MACROD2: variants seen among roughly 807,000 people sequenced by gnomAD.
The protein encoded by MACROD2 is ADP-ribose glycohydrolase MACROD2.
MACROD2 carries 36 observed loss-of-function variants against 70.4 expected under a neutral mutation model. The observed-to-expected ratio is 0.51, with a 90% CI of 0.39 to 0.68. The LOEUF is 0.68. Ranked by LOEUF, MACROD2 falls within the 30% of genes least tolerant of loss-of-function variation. The pLI is 0.00. For synonymous variants in MACROD2, 172 were observed against 178.8 expected (o/e 0.96, Z 0.30); for missense variants, 496 against 538.4 (o/e 0.92, Z 0.78).
At chr20:15,820,677 T>C (rs2063929732) in intron 8 of MACROD2, among the ~76,000 whole-genome samples, 2 of 152,246 alleles carry the variant, frequency 1.3e-5, no homozygotes, top group African/African-American at 4.8e-5. Flanking sequence ...TGTTCACTGC[T>C]ATCTTTTCTC....
chr20:13,997,265 ATAAAG>A (rs755053988), intron 1 of MACROD2, among the ~76,000 whole-genome samples: 1 of 152,342 alleles, frequency 6.6e-6, no homozygotes, highest in Non-Finnish European at 1.5e-5. Flanking sequence ...AGCCTGATAG[ATAAAG>A]TAGTGTAAAA....
At chr20:14,565,563 T>C (rs1217334777) in intron 4 of MACROD2, among the ~76,000 whole-genome samples, 1 of 151,848 alleles carries the variant, frequency 6.6e-6, no homozygotes, top group East Asian at 1.9e-4. Context: ...TCCTCTAGAT[T>C]GTTGCATGTT....
intron 5 of MACROD2, among the ~76,000 whole-genome samples, chr20:14,704,339 TCCTACCGTGTAAATAG>T: frequency 6.6e-6 from 1 of 152,078 alleles, no homozygotes; most frequent in Non-Finnish European, 1.5e-5. Flanking sequence ...TGCGCCCTTT[TCCTACCGTGTAAATAG>T]CCCAGCTCAC....
intron 3 of MACROD2, among the ~76,000 whole-genome samples, chr20:14,281,792 G>A (rs913247461): frequency 7.3e-5 from 11 of 151,596 alleles, no homozygotes; most frequent in Non-Finnish European, 1.6e-4. Context: ...AAAATTAGCC[G>A]GGCGCGGTGA....
chr20:14,928,482 G>A (rs2074259802), intron 5 of MACROD2, among the ~76,000 whole-genome samples: 1 of 152,300 alleles, frequency 6.6e-6, no homozygotes, highest in South Asian at 2.1e-4. Context: ...AGGTGTTTAA[G>A]GGTCAACTAT....
intron 5 of MACROD2, among the ~76,000 whole-genome samples, chr20:14,871,173 A>C (rs2073483477): frequency 6.6e-6 from 1 of 152,120 alleles, no homozygotes; most frequent in South Asian, 2.1e-4. Flanking sequence ...GAACCCCAGT[A>C]AGATACTTCA....
At chr20:15,025,707 G>A (rs571137893) in intron 5 of MACROD2, among the ~76,000 whole-genome samples, 2 of 152,238 alleles carry the variant, frequency 1.3e-5, no homozygotes, top group African/African-American at 2.4e-5. Context: ...TCTGGAGTAG[G>A]GAGGGGCTGG....
intron 5 of MACROD2, among the ~76,000 whole-genome samples, chr20:15,124,810 G>C (rs2076055196): frequency 6.6e-6 from 1 of 151,716 alleles, no homozygotes; most frequent in South Asian, 2.1e-4. Flanking sequence ...AAAAAGCTAG[G>C]TTCCTTCTAG....
intron 3 of MACROD2, among the ~76,000 whole-genome samples, chr20:14,291,528 T>C (rs1372652054): frequency 5.9e-5 from 9 of 151,900 alleles, no homozygotes; most frequent in Non-Finnish European, 1.5e-5. Context: ...GTGTGGTGAA[T>C]GAGAGTGATA....
intron 3 of MACROD2, among the ~76,000 whole-genome samples, chr20:14,108,737 A>T (rs928258750): frequency 2.0e-5 from 3 of 152,088 alleles, no homozygotes; most frequent in Non-Finnish European, 4.4e-5. Flanking sequence ...ATATGCACCC[A>T]ATGCTGGAGC....
At chr20:14,433,874 C>A (rs35445955) in intron 3 of MACROD2, among the ~76,000 whole-genome samples, 23,584 of 151,942 alleles carry the variant, frequency 0.16, 2,603 homozygotes, top group Non-Finnish European at 0.23. Context: ...TGTGATTTTT[C>A]TCTTCTCAAT....
intron 4 of MACROD2, among the ~76,000 whole-genome samples, chr20:14,511,420 TA>T (rs1236726615): frequency 1.3e-5 from 2 of 151,992 alleles, no homozygotes; most frequent in Non-Finnish European, 2.9e-5. Flanking sequence ...CCACAAGCAT[TA>T]AACATTTAAA....
At chr20:14,581,238 C>T (rs566363895) in intron 4 of MACROD2, among the ~76,000 whole-genome samples, 1 of 152,292 alleles carries the variant, frequency 6.6e-6, no homozygotes, top group South Asian at 2.1e-4. Context: ...CAATGTGTCT[C>T]AACCTTAGCT....
At chr20:15,025,893 A>G (rs2075227473) in intron 5 of MACROD2, among the ~76,000 whole-genome samples, 1 of 152,204 alleles carries the variant, frequency 6.6e-6, no homozygotes, top group Non-Finnish European at 1.5e-5. Context: ...ATGGTAATGC[A>G]TTAGTGAGAG....
At chr20:14,195,536 A>G (rs2081423410) in intron 3 of MACROD2, among the ~76,000 whole-genome samples, 1 of 151,952 alleles carries the variant, frequency 6.6e-6, no homozygotes, top group African/African-American at 2.4e-5. Context: ...TCCTAAGACC[A>G]CCTTGGTCTG....
chr20:14,698,927 C>T (rs545152636), intron 5 of MACROD2, among the ~76,000 whole-genome samples: 125 of 151,942 alleles, frequency 8.2e-4, no homozygotes, highest in Middle Eastern at 3.4e-3. Context: ...CTAATAGATA[C>T]AAATAAGCCA....
At chr20:15,991,668 T>C (rs1300180717) in intron 15 of MACROD2, among the ~76,000 whole-genome samples, 1 of 152,226 alleles carries the variant, frequency 6.6e-6, no homozygotes, top group Non-Finnish European at 1.5e-5. Flanking sequence ...TCAGAAAGTC[T>C]TTGTATCTCT....
intron 2 of MACROD2, among the ~76,000 whole-genome samples, chr20:14,028,883 A>AC (rs1159335729): frequency 2.0e-5 from 3 of 151,418 alleles, no homozygotes; most frequent in Non-Finnish European, 1.5e-5. Context: ...CTTCTCAATC[A>AC]TTTTTTTCTT....
chr20:14,488,984 A>G (rs187232929), intron 3 of MACROD2, among the ~76,000 whole-genome samples: 4 of 152,240 alleles, frequency 2.6e-5, no homozygotes, highest in South Asian at 2.1e-4. Flanking sequence ...CTTTTCACCT[A>G]TTTATTAGTA....
Sources: allele counts gnomAD v4.1 joint callset (sites outside exome capture counted in the v4.1 genomes callset), GRCh38; gene constraint gnomAD v4.1.1; transcripts MANE v1.5; gene names NCBI Gene and HGNC (gene_info 2026-07-23, HGNC 2026-07-21).